The following ITPR1 variants were observed in gnomAD, a reference collection of about 807,000 sequenced individuals.
ITPR1 encodes the protein inositol 1,4,5-trisphosphate-gated calcium channel ITPR1.
Under a neutral mutation model 318.4 loss-of-function variants are expected in ITPR1, and 96 were observed. The ratio of observed to expected loss-of-function variants is 0.30; its 90% CI spans 0.26 to 0.36. ITPR1 has a LOEUF of 0.36. ITPR1 is among the 10% of genes least tolerant of loss of function. ITPR1 has a pLI of 1.00. For missense variants in ITPR1, 2,440 were observed against 3,460.2 expected, an observed-to-expected ratio of 0.71 and a Z score of 7.40; for synonymous variants, 1,312 against 1,289.9, an observed-to-expected ratio of 1.02 and a Z score of -0.37.
intron 2 of ITPR1, among the ~76,000 whole-genome samples, chr3:4,495,833 T>A (rs190360196): frequency 4.3e-4 from 66 of 152,252 alleles, no homozygotes; most frequent in Admixed American, 2.5e-3. Flanking sequence ...GGACCTCAGT[T>A]GATTTGGGGA....
intron 24 of ITPR1, 89 bp from the exon 25 acceptor site, chr3:4,680,463 AC>A: frequency 8.5e-7 from 1 of 1,170,202 alleles, no homozygotes; most frequent in Non-Finnish European, 1.3e-6. Flanking sequence ...TGCAGCTGAT[AC>A]CAGGCCCCGC....
At chr3:4,673,739 C>T (rs371894151) in intron 21 of ITPR1, among the ~76,000 whole-genome samples, 165 of 152,178 alleles carry the variant, frequency 1.1e-3, no homozygotes, top group South Asian at 8.3e-3. Flanking sequence ...CCCACCACCA[C>T]GCCCGGCTAA....
At chr3:4,643,005 G>C (rs1303380292) in intron 7 of ITPR1, among the ~76,000 whole-genome samples, 2 of 152,162 alleles carry the variant, frequency 1.3e-5, no homozygotes, top group African/African-American at 4.8e-5. Flanking sequence ...TTTAAAACTG[G>C]TTTTGACACT....
chr3:4,836,663 A>C (rs2050940069), intron 60 of ITPR1, 111 bp from the exon 61 acceptor site: 1 of 1,072,110 alleles, frequency 9.3e-7, no homozygotes, highest in Non-Finnish European at 1.2e-6. Flanking sequence ...GAAGGAGATA[A>C]CCTAATGAGA....
intron 46 of ITPR1, 140 bp downstream of exon 46, chr3:4,768,904 CTTT>C (rs1195498161): frequency 1.4e-6 from 1 of 700,840 alleles, no homozygotes; most frequent in East Asian, 3.0e-5. Context: ...TTTCCTTTTT[CTTT>C]TTTCTTTTTT....
intron 26 of ITPR1, among the ~76,000 whole-genome samples, chr3:4,681,971 C>T (rs1343979287): frequency 6.6e-6 from 1 of 152,120 alleles, no homozygotes; most frequent in Non-Finnish European, 1.5e-5. Context: ...TTATGGAACT[C>T]TTATACCTCC....
rs1483788122 is a variant in ITPR1, at chr3:4,578,932, G to GT, written c.164-48824dup. On this transcript the variant is annotated intron_variant, in intron 4 of 61. Transcript: ENST00000649015. ...GCCCCACAGGGTCAAGGCATCTTTT[G>GT]TTTTTTTATCTTGTCGTTCTGAGGC... 2.0e-5 allele frequency among the ~76,000 whole-genome samples: 3 copies of GT among 152,152 alleles called. No individual in the cohort carries two copies. The East Asian group carries it at 5.8e-4, about 29-fold the overall frequency.
chr3:4,685,074 G>T lies in ITPR1; in HGVS notation c.3570G>T (p.Leu1190Phe). The T allele has an allele frequency of 6.2e-7, 1 of 1,608,808 alleles. No homozygotes were observed. Among genetic ancestry groups the T allele is most frequent in the South Asian group, 1.1e-5 (1 of 89,962 alleles). Residue 1190 changes from leucine to phenylalanine, a missense_variant, in exon 30 of 62, where the codon TTG (leucine) becomes TTT (phenylalanine). By Grantham distance (22) the Leu-to-Phe change is conservative (BLOSUM62 0). Around this residue, in one of 23 missense-constraint regions of ITPR1, gnomAD observed 86 missense variants for 75.6 expected, o/e 1.14. Transcript: ENST00000649015. ...SYNYRVVKEILIRLSKLCVQE... is the reference protein window; with the variant it reads ...SYNYRVVKEIFIRLSKLCVQE... ...GATTTCTTTCATTCTACTAGATTTT[G>T]ATTCGGCTTAGCAAACTCTGTGTTC...
intron 7 of ITPR1, among the ~76,000 whole-genome samples, chr3:4,643,389 TA>T (rs985192000): frequency 2.6e-4 from 39 of 152,360 alleles, no homozygotes; most frequent in Middle Eastern, 3.4e-3. Context: ...TTTGGTTTCC[TA>T]TCCTTTAAAC....
rs537735351 is a variant in ITPR1, at chr3:4,635,701, G to C, written c.280-3683G>C. Among the ~76,000 whole-genome samples the C allele has an allele frequency of 3.9e-5, 6 of 152,010 alleles. No homozygotes were observed. In the South Asian group the frequency reaches 8.3e-4, roughly 21 times the overall value. On this transcript the variant is annotated intron_variant, in intron 5 of 61. Coordinates refer to ENST00000649015, the MANE Select transcript of ITPR1 (RefSeq NM_001378452.1). ...GGCCCATTCTTGGAATGTACTTGAG[G>C]GATTTAACCAACCAGATCTCATTCT...
chr3:4,801,465 G>C (rs1008351942), intron 54 of ITPR1, among the ~76,000 whole-genome samples: 7 of 152,126 alleles, frequency 4.6e-5, no homozygotes, highest in African/African-American at 1.7e-4. Flanking sequence ...ATGGAAGTTA[G>C]GGCTTAAGGA....
At chr3:4,724,209 A>G (rs1158991291) in intron 40 of ITPR1, among the ~76,000 whole-genome samples, 1 of 152,188 alleles carries the variant, frequency 6.6e-6, no homozygotes, top group Non-Finnish European at 1.5e-5. Flanking sequence ...GAATTGAGTG[A>G]GCAACCCTTG....
At chr3:4,560,330 C>T (rs1406176333) in intron 4 of ITPR1, among the ~76,000 whole-genome samples, 1 of 152,062 alleles carries the variant, frequency 6.6e-6, no homozygotes, top group Non-Finnish European at 1.5e-5. Context: ...TCTCTCAGGT[C>T]TCAGAATGTT....
chr3:4,667,669 C>G, intron 18 of ITPR1, 120 bp downstream of exon 18: 1 of 916,220 alleles, frequency 1.1e-6, no homozygotes, highest in South Asian at 2.2e-5. Flanking sequence ...TTAGTTAGGT[C>G]TGGAGAGGCT....
chr3:4,811,212 GA>G (rs2048922274), intron 55 of ITPR1, 52 bp from the exon 56 acceptor site: 1 of 1,310,510 alleles, frequency 7.6e-7, no homozygotes, highest in Admixed American at 2.8e-5. Flanking sequence ...ATGGGATAGT[GA>G]TGTACATCTA....
At chr3:4,757,479 TG>T (rs1428175751) in intron 44 of ITPR1, among the ~76,000 whole-genome samples, 1 of 151,676 alleles carries the variant, frequency 6.6e-6, no homozygotes, top group Non-Finnish European at 1.5e-5. Flanking sequence ...GGGGTAGGGG[TG>T]GGGTGGATTA....
At chr3:4,654,828 G>A (rs1454739632) in intron 12 of ITPR1, among the ~76,000 whole-genome samples, 2 of 152,214 alleles carry the variant, frequency 1.3e-5, no homozygotes, top group Non-Finnish European at 2.9e-5. Flanking sequence ...TATCCTTCTA[G>A]TTATGTCTTG....
intron 4 of ITPR1, among the ~76,000 whole-genome samples, chr3:4,601,814 A>C (rs139834481): frequency 1.4e-4 from 22 of 152,378 alleles, no homozygotes; most frequent in African/African-American, 5.0e-4. Flanking sequence ...ATATGGGACC[A>C]GTATATAGAG....
At chr3:4,730,002 A>C (rs2042789958) in intron 42 of ITPR1, among the ~76,000 whole-genome samples, 4 of 151,072 alleles carry the variant, frequency 2.6e-5, no homozygotes, top group African/African-American at 9.8e-5. Flanking sequence ...GCTGTTGAGT[A>C]ATTTATATCA....
Sources: gnomAD v4.1 joint callset for allele counts (sites outside exome capture counted in the v4.1 genomes callset) on GRCh38, gnomAD v4.1.1 for gene constraint, gnomAD v4.1.1 regional missense constraint, MANE v1.5 for transcripts, NCBI Gene and HGNC (gene_info 2026-07-23, HGNC 2026-07-21) for gene names.